Variants in VGLL4 observed in about 807,000 individuals in gnomAD.
VGLL4 encodes vestigial like family member 4.
VGLL4 carries 7 observed loss-of-function variants against 21.0 expected under a neutral mutation model. That is an observed-to-expected ratio of 0.33 (90% CI 0.19 to 0.63). The LOEUF is 0.63. Ranked by LOEUF, VGLL4 falls within the 20% of genes least tolerant of loss-of-function variation. The pLI, the probability that VGLL4 is intolerant of heterozygous loss-of-function variation, is 0.78. For synonymous variants in VGLL4, 222 were observed against 173.2 expected (o/e 1.28, Z -2.21); for missense variants, 394 against 425.7 (o/e 0.93, Z 0.66).
intron 2 of VGLL4, among the ~76,000 whole-genome samples, chr3:11,573,795 A>G (rs1359161335): frequency 6.6e-6 from 1 of 152,216 alleles, no homozygotes; most frequent in Non-Finnish European, 1.5e-5. Flanking sequence ...CCCTGAAAAG[A>G]CATTGAAGTC....
At chr3:11,614,827 A>C (rs1380260471) in intron 1 of VGLL4, among the ~76,000 whole-genome samples, 2 of 152,230 alleles carry the variant, frequency 1.3e-5, no homozygotes, top group African/African-American at 4.8e-5. Context: ...GAGTAACTTA[A>C]AGTCAGCTTC....
intron 1 of VGLL4, chr3:11,604,218 A>T: frequency 3.8e-6 from 1 of 264,328 alleles, no homozygotes; most frequent in Non-Finnish European, 5.8e-6. Context: ...TGCGTGCTGT[A>T]GTACTTCAGC....
intron 2 of VGLL4, chr3:11,582,463 T>C: frequency 8.2e-7 from 1 of 1,224,354 alleles, no homozygotes; most frequent in Non-Finnish European, 1.1e-6. Flanking sequence ...GCTTGCCCCC[T>C]GCACTGCAAT....
intron 1 of VGLL4, among the ~76,000 whole-genome samples, chr3:11,636,594 A>C (rs1253847298): frequency 6.6e-6 from 1 of 152,196 alleles, no homozygotes; most frequent in Non-Finnish European, 1.5e-5. Flanking sequence ...AACAAAGTTG[A>C]CTTGTAACAC....
rs2276749 is a variant in VGLL4 at position 11,601,991 on chromosome 3, T to C, written c.114A>G (p.Ile38Met). Residue 38 changes from isoleucine to methionine, a missense_variant, in exon 2 of 5, where the codon ATA becomes ATG. Ile to Met is a conservative substitution (Grantham distance 10). Transcript: ENST00000430365. ...GEAALRGEPR[I>M]QTLPVASALS... The stretch of plus-strand genomic sequence containing the variant: ...GGGCAGAGGCCACCGGCAGGGTCTG[T>C]ATTCTGGGTTCTCCCCTGAGAGCAG... The C allele has an allele frequency of 0.94, 1,506,225 of 1,596,810 alleles. 711,422 individuals carry two copies. Among genetic ancestry groups the C allele is most frequent in the African/African-American group, 0.99 (72,847 of 73,654 alleles).
At chr3:11,632,076 A>C (rs1042951274) in intron 1 of VGLL4, among the ~76,000 whole-genome samples, 2 of 152,174 alleles carry the variant, frequency 1.3e-5, no homozygotes, top group African/African-American at 4.8e-5. Context: ...TCATCCCAGC[A>C]CTTTGGGCAG....
chr3:11,720,560 G>C (rs1318648489), exon 1 of VGLL4: 1 of 152,316 alleles, frequency 6.6e-6, no homozygotes, highest in African/African-American at 2.4e-5. Context: ...ACGCACACGC[G>C]CACAACTCCA....
chr3:11,657,371 T>C (rs1424326031), intron 2 of VGLL4, among the ~76,000 whole-genome samples: 1 of 152,168 alleles, frequency 6.6e-6, no homozygotes, highest in African/African-American at 2.4e-5. Context: ...TTATGCTGTT[T>C]TTCTTACAAA....
At chr3:11,676,441 A>T (rs1414513170) in intron 2 of VGLL4, among the ~76,000 whole-genome samples, 1 of 150,656 alleles carries the variant, frequency 6.6e-6, no homozygotes, top group Non-Finnish European at 1.5e-5. Context: ...TAATAATAAT[A>T]ATTTTACAAC....
chr3:11,595,842 G>GT (rs1491121153), intron 2 of VGLL4, among the ~76,000 whole-genome samples: 8 of 19,112 alleles, frequency 4.2e-4, no homozygotes, highest in East Asian at 8.0e-4. Context: ...GTTGTGGTGT[G>GT]GGGGGGGCGG....
chr3:11,646,318 G>T (rs1439554335), upstream of VGLL4, among the ~76,000 whole-genome samples: 1 of 152,166 alleles, frequency 6.6e-6, no homozygotes, highest in Non-Finnish European at 1.5e-5. Context: ...TAGTTTTGGA[G>T]TACTCTTACT....
chr3:11,671,770 C>T (rs1198305034), intron 2 of VGLL4, among the ~76,000 whole-genome samples: 1 of 152,038 alleles, frequency 6.6e-6, no homozygotes, highest in East Asian at 1.9e-4. Flanking sequence ...GAAGCCAGAC[C>T]CTGGGCTCAA....
intron 2 of VGLL4, among the ~76,000 whole-genome samples, chr3:11,574,539 T>G (rs1319440032): frequency 2.0e-5 from 3 of 152,112 alleles, no homozygotes; most frequent in African/African-American, 7.2e-5. Flanking sequence ...GATACAAAAT[T>G]ACAGCCAGGT....
upstream of VGLL4, among the ~76,000 whole-genome samples, chr3:11,648,499 A>G (rs1189242031): frequency 2.0e-5 from 3 of 152,224 alleles, no homozygotes; most frequent in African/African-American, 7.2e-5. Flanking sequence ...GCCAGAAATA[A>G]AATTTTTAAT....
At chr3:11,589,763 G>A (rs1390036802) in intron 2 of VGLL4, among the ~76,000 whole-genome samples, 5 of 152,158 alleles carry the variant, frequency 3.3e-5, no homozygotes, top group African/African-American at 7.2e-5. Context: ...AGAGACAGCC[G>A]CCTTCTTGCT....
chr3:11,678,048 C>T lies in VGLL4; in HGVS notation c.64+24923G>A, dbSNP rs1297752823. 2.0e-5 allele frequency among the ~76,000 whole-genome samples: 3 copies of T among 152,032 alleles called. No individual in the cohort carries two copies. The East Asian group carries it at 5.8e-4, about 29-fold the overall frequency. On this transcript the variant is annotated intron_variant, in intron 2 of 5. Transcript: ENST00000273038. ...TTTTAGCCCTCAAGAATAGAGGCTC[C>T]CTAGTTTGCTTTTTGTTTTTGAGGC... is the stretch of plus-strand genomic sequence containing the variant.
At chr3:11,707,327 CAA>C (rs34222383) in intron 1 of VGLL4, among the ~76,000 whole-genome samples, 160 of 43,038 alleles carry the variant, frequency 3.7e-3, no homozygotes, top group African/African-American at 0.014. Context: ...GACCCTGCCT[CAA>C]AAAAAAAAAA....
chr3:11,666,446 C>T (rs959816942), intron 2 of VGLL4, among the ~76,000 whole-genome samples: 4 of 152,204 alleles, frequency 2.6e-5, no homozygotes, highest in Non-Finnish European at 4.4e-5. Context: ...AGGCCCACTC[C>T]AGCACCAGCG....
Position 11,653,887 on chromosome 3 carries a change from A to C in VGLL4, c.64+49084T>G, listed in dbSNP as rs2075916308. Among the ~76,000 whole-genome samples the C allele has an allele frequency of 6.6e-6, 1 of 152,170 alleles. No individual in the cohort carries two copies. The highest frequency in any genetic ancestry group is 1.5e-5 in the Non-Finnish European group (1 of 68,036). On this transcript the variant is annotated intron_variant, in intron 2 of 5. Coordinates refer to the VGLL4 transcript ENST00000273038. This position sits in a 1 kb window ranked among gnomAD's most constrained non-coding sequence, Gnocchi z 4.2. ...ACAGTAAGAACTCTGTGACACTTGT[A>C]GCAGGCAGAGGGATAGAATTCACCC...
Sources: gnomAD v4.1 joint callset for allele counts (sites outside exome capture counted in the v4.1 genomes callset) on GRCh38, gnomAD v4.1.1 for gene constraint, Gnocchi (gnomAD v3.1) non-coding constraint, MANE v1.5 for transcripts, NCBI Gene and HGNC (gene_info 2026-07-23, HGNC 2026-07-21) for gene names.